ZC3H18: variants seen among roughly 807,000 people sequenced by gnomAD.
ZC3H18 encodes the protein zinc finger CCCH domain-containing protein 18.
Under a neutral mutation model 106.1 loss-of-function variants are expected in ZC3H18, and 8 were observed. The ratio of observed to expected loss-of-function variants is 0.08; its 90% confidence interval spans 0.04 to 0.14. ZC3H18 has a LOEUF of 0.14. Ranked by LOEUF, ZC3H18 falls within the 10% of genes least tolerant of loss-of-function variation. The pLI is 1.00. For synonymous variants in ZC3H18, 635 were observed against 522.1 expected (o/e 1.22, Z -2.95); for missense variants, 1,318 against 1,278.4 (o/e 1.03, Z -0.47).
chr16:88,614,907 C>T (rs1242581759), intron 8 of ZC3H18, among the ~76,000 whole-genome samples: 1 of 152,252 alleles, frequency 6.6e-6, no homozygotes, highest in African/African-American at 2.4e-5. Context: ...CAGCCGCTCC[C>T]TCTGCCCAGA....
At chr16:88,614,002 G>A (rs1326625996) in intron 8 of ZC3H18, among the ~76,000 whole-genome samples, 2 of 152,204 alleles carry the variant, frequency 1.3e-5, no homozygotes, top group East Asian at 1.9e-4. Flanking sequence ...CACCGTCCCC[G>A]TGGGGGTGAA....
intron 8 of ZC3H18, among the ~76,000 whole-genome samples, chr16:88,616,205 C>T (rs749306452): frequency 2.0e-4 from 31 of 152,218 alleles, no homozygotes; most frequent in Non-Finnish European, 3.8e-4. Flanking sequence ...GATCTGGGCT[C>T]ACAGCTAGGG....
In ZC3H18 at chr16:88,598,166, T is replaced by C. The variant is rs1198851290; in HGVS notation, c.689-12T>C. ...TTGTGGACCCTTTCTGATCTCACTT[T>C]TGTTTCCATAGGGAACTGTACCTGG... is the stretch of plus-strand genomic sequence containing the variant. On this transcript the variant is annotated splice_polypyrimidine_tract_variant and intron_variant, in intron 3 of 17. Coordinates refer to ENST00000301011, the MANE Select transcript of ZC3H18 (RefSeq NM_144604.4). 6.3e-7 allele frequency: 1 copy of C among 1,580,548 alleles called. No homozygotes were observed. Among genetic ancestry groups the C allele is most frequent in the Non-Finnish European group, 8.6e-7 (1 of 1,163,710 alleles).
chr16:88,630,259 T>G, intron 16 of ZC3H18: 1 of 514,788 alleles, frequency 1.9e-6, no homozygotes, highest in Non-Finnish European at 3.5e-6. Context: ...GGCTGCTTGC[T>G]GGAACCTGGG....
At chr16:88,612,750 T>TC (rs1905342847) in intron 8 of ZC3H18, among the ~76,000 whole-genome samples, 2 of 151,788 alleles carry the variant, frequency 1.3e-5, no homozygotes, top group South Asian at 4.2e-4. Flanking sequence ...TCTTGTAATC[T>TC]CAGCACTTTG....
At chr16:88,605,355 A>G (rs2093434255) in intron 6 of ZC3H18, among the ~76,000 whole-genome samples, 1 of 152,234 alleles carries the variant, frequency 6.6e-6, no homozygotes, top group African/African-American at 2.4e-5. Flanking sequence ...CTGCACTTTC[A>G]GTGGCCAGCG....
intron 6 of ZC3H18, chr16:88,608,685 A>AT (rs1905130511): frequency 1.1e-5 from 3 of 261,610 alleles, no homozygotes; most frequent in South Asian, 1.2e-4. Flanking sequence ...TTTCTTGAGT[A>AT]TTTTTTATCA....
At chr16:88,582,261 G>T (rs930810919) in intron 2 of ZC3H18, among the ~76,000 whole-genome samples, 2 of 102,648 alleles carry the variant, frequency 1.9e-5, no homozygotes, top group African/African-American at 7.9e-5. Flanking sequence ...GTCTTGCTCT[G>T]TTGCCCAGGC....
At chr16:88,574,016 G>C (rs1430712777) in intron 1 of ZC3H18, among the ~76,000 whole-genome samples, 1 of 151,788 alleles carries the variant, frequency 6.6e-6, no homozygotes, top group South Asian at 2.1e-4. Flanking sequence ...TGGGATTACA[G>C]ATGCCCACCA....
At chr16:88,572,982 C>T (rs1311205068) in intron 1 of ZC3H18, among the ~76,000 whole-genome samples, 22 of 152,020 alleles carry the variant, frequency 1.4e-4, no homozygotes, top group Admixed American at 1.4e-3. Flanking sequence ...TGATCTCGAA[C>T]TCCCAACCTC....
In ZC3H18 at chr16:88,598,664, G is replaced by T. The variant is rs749436900; in HGVS notation, c.882G>T (p.Glu294Asp). The change falls in exon 5 of 18, where the codon GAG becomes GAT. Residue 294 changes from glutamate to aspartate, a missense_variant. Glu to Asp is a conservative substitution (Grantham distance 45, BLOSUM62 2). Around this residue, in one of 6 missense-constraint regions of ZC3H18, gnomAD observed 78 missense variants for 67.3 expected, o/e 1.16. Transcript: ENST00000301011. ...AAATTTTGCCTCCACCCCCTCCAGA[G>T]CCCCCAACAGAGAGTGCCTGGGAAC... ...VDEILPPPPP[E>D]PPTESAWERG... 1.2e-6 allele frequency: 2 copies of T among 1,613,064 alleles called. No homozygotes were observed. Among genetic ancestry groups the T allele is most frequent in the Non-Finnish European group, 1.7e-6 (2 of 1,179,622 alleles).
chr16:88,615,728 C>A (rs549946975), intron 8 of ZC3H18, among the ~76,000 whole-genome samples: 1 of 152,276 alleles, frequency 6.6e-6, no homozygotes, highest in East Asian at 1.9e-4. Context: ...GTTTATGAGT[C>A]CGTCAGCATG....
At chr16:88,588,595 CCCCCAAAGTTAGA>C (rs1960029193) in intron 3 of ZC3H18, among the ~76,000 whole-genome samples, 1 of 152,148 alleles carries the variant, frequency 6.6e-6, no homozygotes, top group Non-Finnish European at 1.5e-5. Flanking sequence ...GAAGGTGGTG[CCCCCAAAGTTAGA>C]CTAAGTACTG....
chr16:88,625,353 C>G (rs907690280), intron 13 of ZC3H18, 86 bp downstream of exon 13: 2 of 1,507,760 alleles, frequency 1.3e-6, no homozygotes, highest in Non-Finnish European at 1.8e-6. Context: ...GTTGGGCTGT[C>G]TCCCACAGGT....
intron 3 of ZC3H18, among the ~76,000 whole-genome samples, chr16:88,594,941 C>G (rs1332046267): frequency 6.6e-6 from 1 of 152,080 alleles, no homozygotes; most frequent in African/African-American, 2.4e-5. Flanking sequence ...CACCTGAGGT[C>G]GCAAGCTCAA....
At chr16:88,605,391 C>T (rs935206311) in intron 6 of ZC3H18, among the ~76,000 whole-genome samples, 2 of 152,244 alleles carry the variant, frequency 1.3e-5, no homozygotes, top group African/African-American at 4.8e-5. Flanking sequence ...GGGCAACAGG[C>T]AGGTGGGCAC....
chr16:88,623,859 T>C, intron 10 of ZC3H18, 99 bp from the exon 11 acceptor site: 3 of 1,481,782 alleles, frequency 2.0e-6, no homozygotes, highest in Non-Finnish European at 2.7e-6. Context: ...AAATGGAAAT[T>C]CGTGGCCTTC....
chr16:88,623,773 T>G, intron 10 of ZC3H18, 185 bp from the exon 11 acceptor site: 1 of 1,154,860 alleles, frequency 8.7e-7, no homozygotes, highest in Non-Finnish European at 1.2e-6. Context: ...CCTTCCACGC[T>G]CTCTGGTCTA....
chr16:88,572,472 A>G (rs566026130), intron 1 of ZC3H18, among the ~76,000 whole-genome samples: 8 of 152,088 alleles, frequency 5.3e-5, no homozygotes, highest in Admixed American at 2.6e-4. Context: ...CATGTATTCA[A>G]CAAATATCTA....
Sources: gnomAD v4.1 joint callset for allele counts (sites outside exome capture counted in the v4.1 genomes callset) on GRCh38, gnomAD v4.1.1 for gene constraint, gnomAD v4.1.1 regional missense constraint, MANE v1.5 for transcripts, NCBI Gene and HGNC (gene_info 2026-07-23, HGNC 2026-07-21) for gene names.